Variants in SGCZ observed in about 807,000 individuals in gnomAD.
SGCZ encodes sarcoglycan zeta, also known as zeta-sarcoglycan.
SGCZ carries 40 observed loss-of-function variants against 41.3 expected under a neutral mutation model. That is an observed-to-expected ratio of 0.97 (90% CI 0.75 to 1.26). The LOEUF (loss-of-function observed/expected upper bound fraction) is 1.26. SGCZ is among the 50% of genes most tolerant of loss of function. The pLI is 0.00. For missense variants in SGCZ, 552 were observed against 369.8 expected (o/e 1.49, Z -4.04); for synonymous variants, 206 against 137.5 (o/e 1.50, Z -3.49).
chr8:14,732,496 C>A (rs1177435301), intron 1 of SGCZ, among the ~76,000 whole-genome samples: 1 of 152,168 alleles, frequency 6.6e-6, no homozygotes, highest in African/African-American at 2.4e-5. Context: ...TCTCTAAGCC[C>A]TCTGCATGTT....
intron 3 of SGCZ, among the ~76,000 whole-genome samples, chr8:14,251,057 G>A (rs1274178620): frequency 2.0e-5 from 3 of 152,028 alleles, no homozygotes; most frequent in Admixed American, 6.6e-5. Flanking sequence ...GCGAAACCCC[G>A]TCTCTACTTA....
intron 7 of SGCZ, among the ~76,000 whole-genome samples, chr8:14,099,289 A>G (rs1286686008): frequency 6.6e-6 from 1 of 152,166 alleles, no homozygotes; most frequent in Non-Finnish European, 1.5e-5. Flanking sequence ...CTTATAAACC[A>G]TATAATCCAC....
chr8:14,329,160 T>A (rs1032205279), intron 2 of SGCZ, among the ~76,000 whole-genome samples: 2 of 152,226 alleles, frequency 1.3e-5, no homozygotes, highest in African/African-American at 4.8e-5. Context: ...ACAGACAGTA[T>A]AGTGTCATTT....
intron 1 of SGCZ, among the ~76,000 whole-genome samples, chr8:15,180,234 G>T (rs569538159): frequency 6.6e-6 from 1 of 152,082 alleles, no homozygotes; most frequent in African/African-American, 2.4e-5. Flanking sequence ...GTTCTCCCCA[G>T]TTTATCTGAG....
intron 2 of SGCZ, among the ~76,000 whole-genome samples, chr8:14,411,153 G>C (rs1245297917): frequency 6.6e-6 from 1 of 151,980 alleles, no homozygotes; most frequent in African/African-American, 2.4e-5. Flanking sequence ...TTGAGATTAA[G>C]TTTTCAAATT....
chr8:14,462,191 G>C (rs1037968589), intron 2 of SGCZ, among the ~76,000 whole-genome samples: 2 of 151,626 alleles, frequency 1.3e-5, no homozygotes, highest in African/African-American at 2.4e-5. Context: ...ATTAGGATTT[G>C]ACATTAAGGA....
intron 3 of SGCZ, among the ~76,000 whole-genome samples, chr8:14,271,873 A>C (rs1176825932): frequency 2.6e-5 from 4 of 152,186 alleles, no homozygotes; most frequent in Non-Finnish European, 5.9e-5. Flanking sequence ...CTCTCTTTAT[A>C]AATCTTACCA....
At chr8:15,040,510 G>T (rs1312251353) in intron 1 of SGCZ, among the ~76,000 whole-genome samples, 1 of 152,032 alleles carries the variant, frequency 6.6e-6, no homozygotes, top group Non-Finnish European at 1.5e-5. Context: ...CCAGCTACTC[G>T]GGAGGCTAAG....
intron 2 of SGCZ, among the ~76,000 whole-genome samples, chr8:14,440,210 AG>A (rs1800208052): frequency 6.6e-6 from 1 of 152,072 alleles, no homozygotes; most frequent in South Asian, 2.1e-4. Flanking sequence ...TATATGTCAT[AG>A]ATATATGATA....
rs905608001 is a variant in SGCZ at position 14,724,908 on chromosome 8, G to C, written c.40-169982C>G. ...ATGCAATAAATTATTGTCAACCATA[G>C]TCGCCCTATAGTGCTACTTAATACT... On this transcript the variant is annotated intron_variant, in intron 1 of 7. Coordinates refer to ENST00000382080, the MANE Select transcript of SGCZ (RefSeq NM_139167.4). 5.9e-5 allele frequency among the ~76,000 whole-genome samples: 9 copies of C among 151,864 alleles called. No homozygotes were observed. The South Asian group carries it at 1.0e-3, about 18-fold the overall frequency.
chr8:15,099,789 G>A (rs1479309798), intron 1 of SGCZ, among the ~76,000 whole-genome samples: 2 of 151,990 alleles, frequency 1.3e-5, no homozygotes, highest in Non-Finnish European at 2.9e-5. Context: ...ATGTAAGACT[G>A]GTTCAACATT....
intron 2 of SGCZ, among the ~76,000 whole-genome samples, chr8:14,493,453 G>A (rs1801905310): frequency 7.4e-6 from 1 of 134,974 alleles, no homozygotes; most frequent in Non-Finnish European, 1.5e-5. Context: ...AGCAAACTCT[G>A]CCTCCCAGGG....
intron 3 of SGCZ, among the ~76,000 whole-genome samples, chr8:14,244,481 T>C (rs986221376): frequency 4.6e-5 from 7 of 152,154 alleles, no homozygotes; most frequent in African/African-American, 1.7e-4. Flanking sequence ...TACCATGCTG[T>C]TTTGGTTACT....
At chr8:14,398,358 G>A (rs1026281876) in intron 2 of SGCZ, among the ~76,000 whole-genome samples, 1 of 152,112 alleles carries the variant, frequency 6.6e-6, no homozygotes, top group African/African-American at 2.4e-5. Flanking sequence ...ATTACTGATA[G>A]TTCTCACTGT....
chr8:14,873,342 AT>A (rs895309834), intron 1 of SGCZ, among the ~76,000 whole-genome samples: 55 of 151,990 alleles, frequency 3.6e-4, no homozygotes, highest in Non-Finnish European at 1.0e-4. Context: ...GTAATATCAT[AT>A]TTTTTTTATA....
intron 2 of SGCZ, among the ~76,000 whole-genome samples, chr8:14,523,108 T>A (rs1484809911): frequency 2.0e-5 from 3 of 151,986 alleles, no homozygotes; most frequent in Admixed American, 1.3e-4. Context: ...TCCTTATTTA[T>A]AATGAAATTG....
At chr8:14,350,831 T>C (rs543931537) in intron 2 of SGCZ, among the ~76,000 whole-genome samples, 1 of 152,292 alleles carries the variant, frequency 6.6e-6, no homozygotes, top group Admixed American at 6.5e-5. Flanking sequence ...GTGTATACCA[T>C]GAACTTGCAT....
intron 2 of SGCZ, among the ~76,000 whole-genome samples, chr8:14,440,121 T>A (rs900232092): frequency 1.3e-5 from 2 of 152,128 alleles, no homozygotes; most frequent in Admixed American, 6.5e-5. Flanking sequence ...TTACTTTATT[T>A]TACTCATGTC....
chr8:15,005,804 C>A (rs1389876842), intron 1 of SGCZ, among the ~76,000 whole-genome samples: 1 of 152,160 alleles, frequency 6.6e-6, no homozygotes, highest in Non-Finnish European at 1.5e-5. Context: ...TGACACCAGT[C>A]TCCTAAAATA....
Sources: allele counts gnomAD v4.1 joint callset (sites outside exome capture counted in the v4.1 genomes callset), GRCh38; gene constraint gnomAD v4.1.1; transcripts MANE v1.5; gene names NCBI Gene and HGNC (gene_info 2026-07-23, HGNC 2026-07-21).